Variants in ANKFY1 observed in about 807,000 individuals in gnomAD.
The protein encoded by ANKFY1 is ankyrin repeat and FYVE domain-containing protein 1.
In ANKFY1, 47 loss-of-function variants were observed where a neutral mutation model predicts 128.3. The ratio of observed to expected loss-of-function variants is 0.37; its 90% CI spans 0.29 to 0.47. The LOEUF is 0.47. ANKFY1 is among the 20% of genes least tolerant of loss of function. The pLI is 1.00. For missense variants in ANKFY1, 1,222 were observed against 1,510.6 expected (o/e 0.81, Z 3.17); for synonymous variants, 553 against 601.6 (o/e 0.92, Z 1.18).
intron 1 of ANKFY1, among the ~76,000 whole-genome samples, chr17:4,260,313 T>C (rs1030065790): frequency 2.0e-5 from 3 of 152,058 alleles, no homozygotes; most frequent in African/African-American, 7.2e-5. Flanking sequence ...TTTGAAGTAG[T>C]TCACTTACAA....
At chr17:4,252,849 C>G (rs1967909950) in intron 1 of ANKFY1, among the ~76,000 whole-genome samples, 1 of 152,080 alleles carries the variant, frequency 6.6e-6, no homozygotes, top group Admixed American at 6.6e-5. Context: ...GAAGAGCACT[C>G]AGCAATAAAA....
At chr17:4,232,979 A>T (rs994397730) in intron 3 of ANKFY1, among the ~76,000 whole-genome samples, 2 of 152,090 alleles carry the variant, frequency 1.3e-5, no homozygotes, top group Non-Finnish European at 2.9e-5. Flanking sequence ...GACCTACGAC[A>T]GTATCCCAGA....
Position 4,164,502 on chromosome 17 carries a change from C to G in ANKFY1, c.*3277G>C, listed in dbSNP as rs2059177584. 1 of 152,330 alleles carries G rather than the reference C, an allele frequency of 6.6e-6. No homozygotes were observed. The highest frequency in any genetic ancestry group is 2.1e-4 in the South Asian group (1 of 4,834). 9.4% of individuals were successfully genotyped at this position (152,330 alleles called of 1,614,324 possible). On this transcript the variant is annotated 3_prime_UTR_variant, in exon 25 of 25. Coordinates refer to ENST00000341657, the MANE Select transcript of ANKFY1 (RefSeq NM_001330063.2). ...AGCTTTGGTGCTTCAGGTAGTTCTT[C>G]TGGGACTTGTCCCAAGGGAAGCAAG...
At chr17:4,251,815 A>C (rs898965039) in intron 1 of ANKFY1, among the ~76,000 whole-genome samples, 1 of 152,150 alleles carries the variant, frequency 6.6e-6, no homozygotes, top group African/African-American at 2.4e-5. Flanking sequence ...TGGATGGATC[A>C]CTTGAGGTCA....
intron 1 of ANKFY1, among the ~76,000 whole-genome samples, chr17:4,256,326 G>C (rs998921356): frequency 1.3e-5 from 2 of 152,138 alleles, no homozygotes; most frequent in Non-Finnish European, 2.9e-5. Flanking sequence ...TACTCAGGAG[G>C]CGGAGGCAGG....
chr17:4,245,243 C>A (rs1395732538), intron 1 of ANKFY1, among the ~76,000 whole-genome samples: 2 of 152,104 alleles, frequency 1.3e-5, no homozygotes, highest in East Asian at 3.9e-4. Flanking sequence ...AGCGCAGTGG[C>A]ACAATCCTAG....
At chr17:4,218,041 C>T (rs2060250077) in intron 3 of ANKFY1, among the ~76,000 whole-genome samples, 1 of 152,096 alleles carries the variant, frequency 6.6e-6, no homozygotes, top group African/African-American at 2.4e-5. Flanking sequence ...AAGACGGATA[C>T]CCAATGGAAA....
chr17:4,188,889 A>G (rs1202082812), intron 11 of ANKFY1: 1 of 149,538 alleles, frequency 6.7e-6, no homozygotes, highest in Non-Finnish European at 1.5e-5. Flanking sequence ...AAAAAAAAGA[A>G]GAAGACTGCA....
At chr17:4,225,131 G>A (rs1352607298) in intron 3 of ANKFY1, among the ~76,000 whole-genome samples, 4 of 151,906 alleles carry the variant, frequency 2.6e-5, no homozygotes, top group South Asian at 2.1e-4. Context: ...CGAGGCAGGC[G>A]GATCACTTGA....
rs1431844636 is a variant in ANKFY1 at position 4,172,558 on chromosome 17, G to A, written c.3137C>T (p.Thr1046Met). The change falls in exon 22 of 25, where the codon ACG becomes ATG. Residue 1046 changes from threonine (T) to methionine (M), a missense_variant and splice_region_variant. Transcript: ENST00000341657. ...CATACCCAGCCCTTGGTACACACCC[G>A]TGCTGCCGTCTGCATCCGGCTTGTC... ...PLDKPDADGS[T>M]VLLLAYMKGN... 3.1e-6 allele frequency: 5 copies of A among 1,613,446 alleles called. No homozygotes were observed. Among genetic ancestry groups the A allele is most frequent in the Non-Finnish European group, 1.7e-6 (2 of 1,179,706 alleles).
chr17:4,178,619 C>T lies in ANKFY1; in HGVS notation c.2598+238G>A, dbSNP rs369224318. On this transcript the variant is annotated intron_variant, in intron 18 of 24. Transcript: ENST00000341657. This position sits in a 1 kb window ranked among gnomAD's most constrained non-coding sequence, Gnocchi z 4.1. ...ATGCCACAGAATTCCTACGATGGAG[C>T]CCACTGCCTCCGCTTCCATCGAAGC... is the stretch of plus-strand genomic sequence containing the variant. 3 of 564,424 alleles carry T rather than the reference C, an allele frequency of 5.3e-6. No individual in the cohort carries two copies. Among genetic ancestry groups the T allele is most frequent in the East Asian group, 6.0e-5 (2 of 33,246 alleles). The allele number at this position is 564,424 out of a possible 1,614,324, so 35.0% of individuals were successfully genotyped here.
chr17:4,237,117 C>G (rs1264905055), intron 2 of ANKFY1, among the ~76,000 whole-genome samples: 3 of 151,850 alleles, frequency 2.0e-5, no homozygotes, highest in Non-Finnish European at 4.4e-5. Context: ...GCCTGGGCAA[C>G]AGAGCAACAC....
At chr17:4,263,750 T>G in intron 1 of ANKFY1, 182 bp downstream of exon 1, 1 of 1,507,750 alleles carries the variant, frequency 6.6e-7, no homozygotes, top group Non-Finnish European at 8.8e-7. Context: ...GACGTTGTCA[T>G]AGGAACCGCG....
chr17:4,247,532 G>A (rs1967614746), intron 1 of ANKFY1, among the ~76,000 whole-genome samples: 1 of 152,160 alleles, frequency 6.6e-6, no homozygotes, highest in South Asian at 2.1e-4. Flanking sequence ...GGCAGCTTAT[G>A]AGCACTTACC....
chr17:4,208,358 A>G (rs768929917), intron 5 of ANKFY1, among the ~76,000 whole-genome samples: 13 of 152,074 alleles, frequency 8.5e-5, no homozygotes, highest in Non-Finnish European at 1.6e-4. Context: ...TCCGAGCCTC[A>G]CTCTCCTCCA....
chr17:4,263,739 G>A (rs1165234653), intron 1 of ANKFY1, 193 bp downstream of exon 1: 5 of 1,490,802 alleles, frequency 3.4e-6, no homozygotes, highest in African/African-American at 1.4e-5. Context: ...ATCGCGGGAG[G>A]GACGTTGTCA....
intron 4 of ANKFY1, among the ~76,000 whole-genome samples, chr17:4,215,817 A>G (rs748754517): frequency 3.9e-5 from 6 of 152,244 alleles, no homozygotes; most frequent in African/African-American, 7.2e-5. Context: ...CAAGGTCAAC[A>G]GGAGAAAGCT....
In ANKFY1 at chr17:4,203,730, G is replaced by C. The variant is rs1354116870; in HGVS notation, c.898+2591C>G. ...CTCAGGAGGCTGAGGCAGGAGAATC[G>C]CTTGAACCTGGGAGGCAGAGGTTGC... On this transcript the variant is annotated intron_variant, in intron 7 of 24. Coordinates refer to ENST00000341657, the MANE Select transcript of ANKFY1 (RefSeq NM_001330063.2). Among the ~76,000 whole-genome samples, 5 of 149,388 alleles carry C rather than the reference G, an allele frequency of 3.3e-5. No individual in the cohort carries two copies. The Admixed American group carries it at 3.4e-4, about 10-fold the overall frequency.
intron 14 of ANKFY1, 73 bp downstream of exon 14, chr17:4,183,325 A>T: frequency 6.4e-7 from 1 of 1,555,244 alleles, no homozygotes. Context: ...ACTTTTCTAC[A>T]AGCGAGGCTA....
Sources: allele counts gnomAD v4.1 joint callset (sites outside exome capture counted in the v4.1 genomes callset), GRCh38; gene constraint gnomAD v4.1.1; non-coding constraint Gnocchi (gnomAD v3.1); transcripts MANE v1.5; gene names NCBI Gene and HGNC (gene_info 2026-07-23, HGNC 2026-07-21).